The following FAM13A variants were observed in gnomAD, a reference collection of about 807,000 sequenced individuals.
FAM13A encodes the protein family with sequence similarity 13 member A.
In FAM13A, 76 loss-of-function variants were observed where a neutral mutation model predicts 129.6. The observed-to-expected ratio is 0.59, with a 90% CI of 0.49 to 0.71. The LOEUF is 0.71. FAM13A is among the 30% of genes least tolerant of loss of function. The pLI is 0.00. For missense variants in FAM13A, 1,108 were observed against 1,249.3 expected, an observed-to-expected ratio of 0.89 and a Z score of 1.70; for synonymous variants, 443 against 449.9, an observed-to-expected ratio of 0.98 and a Z score of 0.20.
intron 23 of FAM13A, chr4:88,730,230 A>C (rs977455105): frequency 6.6e-6 from 1 of 152,204 alleles, no homozygotes; most frequent in Non-Finnish European, 1.5e-5. Flanking sequence ...ACCTAACTCC[A>C]ATGTAAGAGA....
At chr4:88,764,584 AGTTT>A (rs1389988360) in intron 13 of FAM13A, among the ~76,000 whole-genome samples, 1 of 152,194 alleles carries the variant, frequency 6.6e-6, no homozygotes, top group Middle Eastern at 3.2e-3. Flanking sequence ...AGAAATTGCT[AGTTT>A]TAAGGATGAC....
intron 7 of FAM13A, among the ~76,000 whole-genome samples, chr4:88,833,744 G>A (rs1400009685): frequency 6.6e-6 from 1 of 152,026 alleles, no homozygotes; most frequent in African/African-American, 2.4e-5. Flanking sequence ...AAACTAGCCA[G>A]GTGTGGTGGT....
intron 3 of FAM13A, among the ~76,000 whole-genome samples, chr4:88,994,463 T>C (rs1763286309): frequency 6.6e-6 from 1 of 152,168 alleles, no homozygotes; most frequent in Non-Finnish European, 1.5e-5. Context: ...TGTAGAAGAA[T>C]GCCTAGGGTA....
At chr4:88,970,571 TTAA>T (rs1168619080) in intron 4 of FAM13A, among the ~76,000 whole-genome samples, 1 of 151,662 alleles carries the variant, frequency 6.6e-6, no homozygotes, top group African/African-American at 2.4e-5. Flanking sequence ...TATTTTAGCC[TTAA>T]TAAATTTCAA....
chr4:88,841,486 T>C, intron 7 of FAM13A, among the ~76,000 whole-genome samples: 1 of 103,652 alleles, frequency 9.6e-6, no homozygotes, highest in South Asian at 3.6e-4. Flanking sequence ...AGAGTGAGAC[T>C]CTGTCTCAAA....
At chr4:88,943,538 T>C (rs1214887023) in intron 4 of FAM13A, among the ~76,000 whole-genome samples, 1 of 152,228 alleles carries the variant, frequency 6.6e-6, no homozygotes, top group Non-Finnish European at 1.5e-5. Context: ...ACATGGCCAT[T>C]TTAAATCTTG....
intron 8 of FAM13A, among the ~76,000 whole-genome samples, chr4:88,804,322 C>T (rs971131700): frequency 2.8e-4 from 43 of 152,038 alleles, no homozygotes; most frequent in African/African-American, 1.0e-3. Context: ...AAAAAACAAA[C>T]ATCAGCATTA....
chr4:88,911,927 T>G (rs2150259478), intron 5 of FAM13A, among the ~76,000 whole-genome samples: 1 of 152,364 alleles, frequency 6.6e-6, no homozygotes, highest in Admixed American at 6.5e-5. Context: ...CAATTCATTC[T>G]TCAATGCCCT....
chr4:88,948,571 C>A (rs928042711), intron 4 of FAM13A, among the ~76,000 whole-genome samples: 1 of 151,968 alleles, frequency 6.6e-6, no homozygotes, highest in South Asian at 2.1e-4. Context: ...TCACTGCAAC[C>A]TCCGCCTCCC....
chr4:88,972,533 TCAAGTG>T (rs891214911), intron 4 of FAM13A, among the ~76,000 whole-genome samples: 3 of 151,954 alleles, frequency 2.0e-5, no homozygotes, highest in African/African-American at 7.3e-5. Context: ...ACTCCTGACC[TCAAGTG>T]ACCCACCTAC....
chr4:89,027,461 G>A (rs1475359207), intron 2 of FAM13A, among the ~76,000 whole-genome samples: 1 of 151,126 alleles, frequency 6.6e-6, no homozygotes, highest in African/African-American at 2.4e-5. Context: ...AATGAGTTAT[G>A]ATCACATCAT....
chr4:88,884,863 T>C (rs1163620768), intron 6 of FAM13A, among the ~76,000 whole-genome samples: 1 of 151,834 alleles, frequency 6.6e-6, no homozygotes, highest in African/African-American at 2.4e-5. Flanking sequence ...GCAACCAAAC[T>C]GAGAATAAAA....
chr4:88,854,495 C>G (rs1738156504), intron 6 of FAM13A, among the ~76,000 whole-genome samples: 1 of 152,230 alleles, frequency 6.6e-6, no homozygotes, highest in Non-Finnish European at 1.5e-5. Flanking sequence ...GTAGTTATAA[C>G]TGACATCCAC....
intron 7 of FAM13A, among the ~76,000 whole-genome samples, chr4:88,842,193 T>C (rs1260098888): frequency 6.6e-6 from 1 of 152,214 alleles, no homozygotes; most frequent in African/African-American, 2.4e-5. Flanking sequence ...TTATATAAAA[T>C]GTGCAAGAGT....
intron 6 of FAM13A, among the ~76,000 whole-genome samples, chr4:88,871,437 A>C (rs1741369946): frequency 1.3e-5 from 2 of 152,218 alleles, no homozygotes; most frequent in African/African-American, 4.8e-5. Context: ...TACACAGTGT[A>C]GAGAAGACCT....
chr4:88,874,229 C>T (rs1407832891), intron 6 of FAM13A, among the ~76,000 whole-genome samples: 1 of 152,102 alleles, frequency 6.6e-6, no homozygotes, highest in Non-Finnish European at 1.5e-5. Context: ...AAAACTGGCA[C>T]AAGACAGGGA....
chr4:88,748,893 G>GT, intron 17 of FAM13A, 59 bp downstream of exon 17: 1 of 1,174,400 alleles, frequency 8.5e-7, no homozygotes, highest in Non-Finnish European at 1.3e-6. Flanking sequence ...GGGAGAGGAG[G>GT]TGAGAGATTC....
In FAM13A at chr4:88,737,508, G is replaced by A. The variant is rs1447522487; in HGVS notation, c.2610C>T (p.Ile870=). 3.1e-6 allele frequency: 5 copies of A among 1,613,954 alleles called. No individual in the cohort carries two copies. Among genetic ancestry groups the A allele is most frequent in the East Asian group, 2.2e-5 (1 of 44,894 alleles). The stretch of plus-strand genomic sequence containing the variant: ...TGAAGAAGGAAGCAGTTTCGCCCTC[G>A]ATAATTGGCTGCAGCAAAGGGCTTC... ...KRRSPLLQPI[I]EGETASFFKE... Residue 870 remains isoleucine, a synonymous_variant, in exon 21 of 24, where the codon ATC becomes ATT. Transcript: ENST00000264344.
intron 6 of FAM13A, among the ~76,000 whole-genome samples, chr4:88,893,808 T>TG (rs1244175532): frequency 7.6e-6 from 1 of 131,366 alleles, no homozygotes; most frequent in African/African-American, 2.9e-5. Context: ...GCCAGGCTGA[T>TG]GGAGCGAGAC....
Sources: allele counts gnomAD v4.1 joint callset (sites outside exome capture counted in the v4.1 genomes callset), GRCh38; gene constraint gnomAD v4.1.1; transcripts MANE v1.5; gene names NCBI Gene and HGNC (gene_info 2026-07-23, HGNC 2026-07-21).